MESD: variants seen among roughly 807,000 people sequenced by gnomAD.
MESD encodes the protein mesoderm development LRP chaperone, also known as LRP chaperone MESD.
A neutral mutation model predicts 12.9 loss-of-function variants in MESD; 7 were observed. That is an observed-to-expected ratio of 0.54 (90% CI 0.31 to 1.02). MESD has a LOEUF of 1.02. Among genes scored for constraint, MESD ranks in the 50% least tolerant of loss-of-function variants. The probability of loss-of-function intolerance (pLI) is 0.05; values close to 1 mark genes in which losing one functional copy is unlikely to be tolerated. For missense variants in MESD, 342 were observed against 296.7 expected (o/e 1.15, Z -1.12); for synonymous variants, 126 against 115.6 (o/e 1.09, Z -0.58).
At chr15:80,950,275 A>C (rs1901761179) in intron 4 of MESD, 1 of 152,320 alleles carries the variant, frequency 6.6e-6, no homozygotes, top group Non-Finnish European at 1.5e-5. Context: ...CCACACAGCT[A>C]AGGGAGGGCC....
intron 3 of MESD, among the ~76,000 whole-genome samples, chr15:80,955,638 TGA>T (rs887789913): frequency 6.6e-6 from 1 of 150,384 alleles, no homozygotes; most frequent in South Asian, 2.1e-4. Context: ...TGTGTGTGTG[TGA>T]GAGAGACAGA....
chr15:80,984,715 CA>C (rs1902683033), intron 1 of MESD, among the ~76,000 whole-genome samples: 1 of 152,122 alleles, frequency 6.6e-6, no homozygotes. Context: ...CTAAAATGTA[CA>C]CTTTACATGG....
At chr15:80,989,502 G>A in intron 1 of MESD, 77 bp downstream of exon 1, 3 of 1,494,100 alleles carry the variant, frequency 2.0e-6, no homozygotes, top group East Asian at 4.5e-5. Context: ...AAGGTCCCAA[G>A]ACAGAACAGG....
intron 4 of MESD, chr15:80,950,780 C>CT (rs1200706680): frequency 1.3e-5 from 2 of 152,738 alleles, no homozygotes; most frequent in Non-Finnish European, 2.9e-5. Context: ...AGGGAGAACT[C>CT]TATCTGTGGT....
At chr15:80,954,872 TAA>T (rs1901934807) in intron 3 of MESD, among the ~76,000 whole-genome samples, 1 of 152,196 alleles carries the variant, frequency 6.6e-6, no homozygotes, top group African/African-American at 2.4e-5. Context: ...CAGCTATCGT[TAA>T]GTGTTAGTGT....
At chr15:80,979,512 G>A (rs772502542) in intron 2 of MESD, 35 bp from the exon 3 acceptor site, 45 of 1,604,606 alleles carry the variant, frequency 2.8e-5, no homozygotes, top group African/African-American at 8.0e-5. Flanking sequence ...CAGCCAGCAC[G>A]TACTAGTAAG....
At chr15:80,975,225 A>C (rs529336523), downstream of MESD, among the ~76,000 whole-genome samples, 113 of 151,768 alleles carry the variant, frequency 7.4e-4, no homozygotes, top group East Asian at 4.1e-3. Context: ...AAAAAACAAA[A>C]AAAAAAAAAC....
intron 3 of MESD, among the ~76,000 whole-genome samples, chr15:80,953,498 T>C (rs559752689): frequency 2.0e-5 from 3 of 152,260 alleles, no homozygotes; most frequent in Admixed American, 6.5e-5. Context: ...GTCACTGCAA[T>C]GCATTAGGTG....
intron 4 of MESD, chr15:80,948,915 G>GAA: frequency 1.9e-6 from 3 of 1,614,264 alleles, no homozygotes; most frequent in Non-Finnish European, 2.5e-6. Flanking sequence ...TGAAGAAGAA[G>GAA]AAGTTGTGAG....
At chr15:80,986,231 G>T (rs1407531790) in intron 1 of MESD, among the ~76,000 whole-genome samples, 4 of 152,168 alleles carry the variant, frequency 2.6e-5, no homozygotes, top group African/African-American at 9.7e-5. Flanking sequence ...TCACATAAGT[G>T]GAGATTAGAA....
intron 1 of MESD, among the ~76,000 whole-genome samples, chr15:80,987,143 G>T (rs1039041527): frequency 6.6e-6 from 1 of 152,166 alleles, no homozygotes; most frequent in East Asian, 1.9e-4. Flanking sequence ...AGAATTAGTT[G>T]TAACACAATG....
intron 1 of MESD, among the ~76,000 whole-genome samples, chr15:80,988,795 A>G (rs1161115571): frequency 6.6e-6 from 1 of 152,232 alleles, no homozygotes; most frequent in Admixed American, 6.5e-5. Context: ...AACCTGCCCA[A>G]GGTTCCACAG....
At chr15:80,958,474 G>T (rs1372644253) in intron 3 of MESD, among the ~76,000 whole-genome samples, 3 of 152,130 alleles carry the variant, frequency 2.0e-5, no homozygotes, top group Non-Finnish European at 2.9e-5. Flanking sequence ...GAGACCACAG[G>T]CATGCGCCAC....
chr15:80,948,570 T>C (rs1245854100), exon 5 of MESD: 2 of 599,628 alleles, frequency 3.3e-6, no homozygotes, highest in Non-Finnish European at 6.0e-6. Flanking sequence ...GCCATCACCC[T>C]GCCTAGGTGG....
chr15:80,970,732 T>C (rs1263006190), intron 3 of MESD: 1 of 152,122 alleles, frequency 6.6e-6, no homozygotes, highest in Non-Finnish European at 1.5e-5. Flanking sequence ...AGTACTGCAA[T>C]AAGGGGAAAG....
chr15:80,980,151 C>T (rs1902536977), intron 2 of MESD, among the ~76,000 whole-genome samples: 1 of 152,222 alleles, frequency 6.6e-6, no homozygotes, highest in Admixed American at 6.5e-5. Flanking sequence ...AATGCTCCCA[C>T]CACTCCACAG....
intron 3 of MESD, among the ~76,000 whole-genome samples, chr15:80,962,418 A>G (rs915741092): frequency 2.6e-5 from 4 of 152,204 alleles, no homozygotes; most frequent in Non-Finnish European, 4.4e-5. Context: ...CACTGTCAAT[A>G]TTAGACAGAT....
chr15:80,953,191 G>A (rs890586196), intron 3 of MESD, among the ~76,000 whole-genome samples: 4 of 152,170 alleles, frequency 2.6e-5, no homozygotes, highest in African/African-American at 4.8e-5. Context: ...CAAACACAGG[G>A]TCAGCTTTAG....
At chr15:80,985,098 T>G (rs1567127146) in intron 1 of MESD, among the ~76,000 whole-genome samples, 1 of 152,194 alleles carries the variant, frequency 6.6e-6, no homozygotes, top group African/African-American at 2.4e-5. Context: ...ACTAACCTTC[T>G]TTTCCACTCT....
Sources: allele counts gnomAD v4.1 joint callset (sites outside exome capture counted in the v4.1 genomes callset), GRCh38; gene constraint gnomAD v4.1.1; transcripts MANE v1.5; gene names NCBI Gene and HGNC (gene_info 2026-07-23, HGNC 2026-07-21).